Variants in ATP10B observed in about 807,000 individuals in gnomAD.
ATP10B encodes the protein ATPase phospholipid transporting 10B (putative), also known as phospholipid-transporting ATPase VB.
Under a neutral mutation model 141.2 loss-of-function variants are expected in ATP10B, and 122 were observed. The observed-to-expected ratio is 0.86, with a 90% CI of 0.75 to 1.00. The LOEUF (loss-of-function observed/expected upper bound fraction) is 1.00. Among genes scored for constraint, ATP10B ranks in the 50% least tolerant of loss-of-function variants. The probability of loss-of-function intolerance (pLI) is 0.00; values close to 1 mark genes in which losing one functional copy is unlikely to be tolerated. For synonymous variants in ATP10B, 685 were observed against 692.0 expected (o/e 0.99, Z 0.16); for missense variants, 1,876 against 1,825.3 (o/e 1.03, Z -0.51).
chr5:160,662,969 G>A (rs1473126184), intron 7 of ATP10B, among the ~76,000 whole-genome samples: 2 of 152,180 alleles, frequency 1.3e-5, no homozygotes, highest in South Asian at 2.1e-4. Context: ...CCATCAACAA[G>A]TGAGCGAAGG....
intron 7 of ATP10B, among the ~76,000 whole-genome samples, chr5:160,668,592 G>A (rs1161571681): frequency 6.6e-6 from 1 of 152,176 alleles, no homozygotes; most frequent in African/African-American, 2.4e-5. Flanking sequence ...AGAAAACTCA[G>A]AGACAGGCCC....
intron 22 of ATP10B, 54 bp downstream of exon 22, chr5:160,598,716 T>A: frequency 6.5e-7 from 1 of 1,549,352 alleles, no homozygotes; most frequent in Non-Finnish European, 8.9e-7. Flanking sequence ...AGAGGGGAGG[T>A]AGAGGTCAGT....
chr5:160,596,550 A>G (rs1288594909), intron 22 of ATP10B, among the ~76,000 whole-genome samples: 1 of 144,410 alleles, frequency 6.9e-6, no homozygotes, highest in East Asian at 2.0e-4. Context: ...CAGGGAAATT[A>G]GGCAGGAGAA....
At chr5:160,794,146 C>G (rs1383441708) in intron 1 of ATP10B, among the ~76,000 whole-genome samples, 1 of 152,096 alleles carries the variant, frequency 6.6e-6, no homozygotes, top group Non-Finnish European at 1.5e-5. Flanking sequence ...TTTTGAGGAG[C>G]TAATATGTCC....
chr5:160,596,374 G>A (rs532953085), intron 22 of ATP10B, among the ~76,000 whole-genome samples: 11 of 150,436 alleles, frequency 7.3e-5, no homozygotes, highest in Non-Finnish European at 1.0e-4. Flanking sequence ...AATAAATTAG[G>A]TATTGATGGG....
intron 1 of ATP10B, among the ~76,000 whole-genome samples, chr5:160,821,203 A>G (rs1388814876): frequency 6.6e-6 from 1 of 152,156 alleles, no homozygotes; most frequent in Non-Finnish European, 1.5e-5. Flanking sequence ...AATCAGTAGC[A>G]TTTTTATATA....
chr5:160,599,424 A>C (rs1294407701), intron 21 of ATP10B, among the ~76,000 whole-genome samples: 1 of 152,186 alleles, frequency 6.6e-6, no homozygotes, highest in Non-Finnish European at 1.5e-5. Flanking sequence ...TGAATCCCCA[A>C]TTCTGTCACT....
At chr5:160,842,407 A>G (rs1477585109) in intron 1 of ATP10B, among the ~76,000 whole-genome samples, 3 of 152,160 alleles carry the variant, frequency 2.0e-5, no homozygotes, top group African/African-American at 7.2e-5. Flanking sequence ...GTTTAAGTAT[A>G]TTTTACAAGA....
At chr5:160,900,862 C>T in the ATP10B span, among the ~76,000 whole-genome samples, 5 of 139,062 alleles carry the variant, frequency 3.6e-5, no homozygotes, top group African/African-American at 1.3e-4. Context: ...GAAAAAAGAA[C>T]AAGAACACTC....
chr5:160,634,272 A>C, intron 12 of ATP10B, 82 bp downstream of exon 12: 1 of 1,588,660 alleles, frequency 6.3e-7, no homozygotes, highest in Non-Finnish European at 8.6e-7. Context: ...AGCCAGGAGA[A>C]TGTCTTTTAT....
chr5:160,595,515 A>G (rs1426037518), intron 22 of ATP10B, among the ~76,000 whole-genome samples: 1 of 152,324 alleles, frequency 6.6e-6, no homozygotes, highest in East Asian at 1.9e-4. Flanking sequence ...TTCAAAAGCT[A>G]GCAGAAGGCA....
chr5:160,590,865 A>T lies in ATP10B; in HGVS notation c.3645+194T>A, dbSNP rs111449992. Among the ~76,000 whole-genome samples, 1,414 of 152,326 alleles carry T rather than the reference A, an allele frequency of 9.3e-3. 28 individuals are homozygous for T. The highest frequency in any genetic ancestry group is 0.032 in the African/African-American group (1,348 of 41,570). On this transcript the variant is annotated intron_variant, in intron 23 of 25. Transcript: ENST00000327245. ...TAAATATAGCTTTCAGTTTTTCAAGAGCCAGCAGAAATCAAAATGTTTGGG... is the reference window on the plus strand; with the variant it reads ...TAAATATAGCTTTCAGTTTTTCAAGTGCCAGCAGAAATCAAAATGTTTGGG...
intron 16 of ATP10B, 103 bp from the exon 17 acceptor site, chr5:160,616,067 C>A: frequency 8.0e-7 from 1 of 1,256,820 alleles, no homozygotes; most frequent in Non-Finnish European, 1.1e-6. Context: ...GTTTGAACTT[C>A]CCTACATAAT....
intron 24 of ATP10B, among the ~76,000 whole-genome samples, chr5:160,578,942 G>T (rs988766958): frequency 2.0e-5 from 3 of 152,208 alleles, no homozygotes; most frequent in Non-Finnish European, 2.9e-5. Context: ...CAGTGATGAT[G>T]AGCTTTTTTC....
intron 2 of ATP10B, among the ~76,000 whole-genome samples, chr5:160,781,270 A>G (rs4921336): frequency 0.45 from 67,728 of 152,002 alleles, 15,315 homozygotes; most frequent in East Asian, 0.59. Context: ...TTTCTAAGGA[A>G]GTAGTAGGTG....
chr5:160,736,948 A>G (rs1303897110), intron 2 of ATP10B, among the ~76,000 whole-genome samples: 2 of 152,240 alleles, frequency 1.3e-5, no homozygotes, highest in Non-Finnish European at 1.5e-5. Flanking sequence ...AGACAAAGAC[A>G]TATCGAAAGA....
chr5:160,565,873 AG>A lies in ATP10B; in HGVS notation c.3965del (p.Thr1322IlefsTer6), dbSNP rs756101387. 11 of 1,611,738 alleles carry A rather than the reference AG, an allele frequency of 6.8e-6. No individual in the cohort carries two copies. In the African/African-American group the frequency reaches 1.5e-4, roughly 22 times the overall value. Reference sequence around the variant, plus strand: ...CTTTTGAGATTAGAGACTTCCCACAAGTTCCTTGCAGAGACAGGAAAAAGTA... The same window carrying A: ...CTTTTGAGATTAGAGACTTCCCACAATTCCTTGCAGAGACAGGAAAAAGTA... ...PRYFFLSLQG[T>X]CGKSLISKAQ... On this transcript the variant is annotated frameshift_variant, in exon 26 of 26. Transcript: ENST00000327245. LOFTEE classifies it low-confidence loss of function (END_TRUNC).
chr5:160,753,749 G>A (rs751486719), intron 2 of ATP10B, among the ~76,000 whole-genome samples: 1 of 152,122 alleles, frequency 6.6e-6, no homozygotes, highest in Non-Finnish European at 1.5e-5. Context: ...TCCTGGTACT[G>A]TTGTAAATGT....
At chr5:160,823,025 TATATATATATAAA>T (rs1774290001) in intron 1 of ATP10B, among the ~76,000 whole-genome samples, 1 of 122,510 alleles carries the variant, frequency 8.2e-6, no homozygotes, top group Non-Finnish European at 1.7e-5. Flanking sequence ...TATATATATA[TATATATATATAAA>T]ATAAAGAGTG....
Sources: gnomAD v4.1 joint callset for allele counts (sites outside exome capture counted in the v4.1 genomes callset) on GRCh38, gnomAD v4.1.1 for gene constraint, MANE v1.5 for transcripts, NCBI Gene and HGNC (gene_info 2026-07-23, HGNC 2026-07-21) for gene names.